Variants in FSD1 observed in about 807,000 individuals in gnomAD.
FSD1 encodes the protein fibronectin type III and SPRY domain containing 1.
FSD1 carries 23 observed loss-of-function variants against 58.2 expected under a neutral mutation model. That is an observed-to-expected ratio of 0.40 (90% CI 0.28 to 0.56). The LOEUF (loss-of-function observed/expected upper bound fraction) is 0.56. Ranked by LOEUF, FSD1 falls within the 20% of genes least tolerant of loss-of-function variation. The pLI, the probability that FSD1 is intolerant of heterozygous loss-of-function variation, is 0.54. For missense variants in FSD1, 563 were observed against 670.8 expected, an observed-to-expected ratio of 0.84 and a Z score of 1.78; for synonymous variants, 265 against 263.4, an observed-to-expected ratio of 1.01 and a Z score of -0.06.
Position 4,323,259 on chromosome 19 carries a change from C to T in FSD1, c.1291+22C>T. On this transcript the variant is annotated intron_variant, in intron 11 of 12. Coordinates refer to ENST00000221856, the MANE Select transcript of FSD1 (RefSeq NM_024333.3). This position sits in a 1 kb window ranked among gnomAD's most constrained non-coding sequence, Gnocchi z 7.7. ...CAAGGTGACCCCAAGCCCCAGCTGC[C>T]GTCTCTGGCTGCCCCTGCCTGAGTC... 4 of 1,605,776 alleles carry T rather than the reference C, an allele frequency of 2.5e-6. No individual in the cohort carries two copies. The highest frequency in any genetic ancestry group is 2.5e-6 in the Non-Finnish European group (3 of 1,178,454).
At chr19:4,311,786 C>G in intron 6 of FSD1, 56 bp from the exon 7 acceptor site, 1 of 1,552,588 alleles carries the variant, frequency 6.4e-7, no homozygotes, top group East Asian at 2.2e-5. Context: ...AGCAAGCCCC[C>G]TGCCCCCTGA....
Position 4,306,329 on chromosome 19 carries a change from G to C in FSD1, c.243G>C (p.Gln81His), listed in dbSNP as rs762615924. 6.2e-7 allele frequency: 1 copy of C among 1,613,642 alleles called. No homozygotes were observed. Among genetic ancestry groups the C allele is most frequent in the South Asian group, 1.1e-5 (1 of 91,044 alleles). The change falls in exon 3 of 13, where the codon CAG becomes CAC. Residue 81 changes from glutamine to histidine, a missense_variant and splice_region_variant. Gln to His is a conservative substitution (Grantham distance 24). Transcript: ENST00000221856. ...GTGCCAGCCGTACCTACGAGCTGCA[G>C]GTGAGGGCTGAGGGCATCTTCCTCT... ...QDRASRTYEL[Q>H]NQLAACTRAL...
chr19:4,319,372 G>A (rs986591279), intron 10 of FSD1, among the ~76,000 whole-genome samples: 3 of 152,192 alleles, frequency 2.0e-5, no homozygotes, highest in African/African-American at 7.2e-5. Flanking sequence ...AGGGTATGTG[G>A]AGGAGCCAGA....
chr19:4,313,227 C>T (rs913523620), intron 7 of FSD1, among the ~76,000 whole-genome samples: 1 of 151,764 alleles, frequency 6.6e-6, no homozygotes. Context: ...GTGGTCCCCG[C>T]TACCAAGGGA....
intron 7 of FSD1, among the ~76,000 whole-genome samples, chr19:4,312,623 G>A (rs1179518618): frequency 2.0e-5 from 3 of 151,814 alleles, no homozygotes; most frequent in Non-Finnish European, 4.4e-5. Context: ...CTAACACGGT[G>A]AAATACTGTA....
intron 7 of FSD1, 46 bp downstream of exon 7, chr19:4,312,097 T>C (rs893411968): frequency 6.8e-7 from 1 of 1,479,862 alleles, no homozygotes; most frequent in African/African-American, 1.4e-5. Context: ...AACAGCCACC[T>C]CTTCCAGCCT....
intron 7 of FSD1, among the ~76,000 whole-genome samples, chr19:4,316,149 C>T (rs910690935): frequency 6.6e-6 from 1 of 151,876 alleles, no homozygotes; most frequent in African/African-American, 2.4e-5. Flanking sequence ...CAGCTTCAAC[C>T]TCTTGGGCTC....
At position 4,310,632 on chromosome 19, in the gene FSD1, G is replaced by A. The variant is rs543657870; in HGVS notation, c.490+36G>A. The A allele has an allele frequency of 4.4e-5, 70 of 1,596,546 alleles. No homozygotes were observed. In the East Asian group the frequency reaches 9.4e-4, roughly 21 times the overall value. ...CACGCACTAGAGGGCCAGGACTTCCGGGGAATGACCTGGGAGGCTAGGAGG... is the reference window on the plus strand; with the variant it reads ...CACGCACTAGAGGGCCAGGACTTCCAGGGAATGACCTGGGAGGCTAGGAGG... On this transcript the variant is annotated intron_variant, in intron 6 of 12. Coordinates refer to ENST00000221856, the MANE Select transcript of FSD1 (RefSeq NM_024333.3).
At position 4,310,265 on chromosome 19, in the gene FSD1, C is replaced by G. The variant is rs748557430; in HGVS notation, c.346-8C>G. On this transcript the variant is annotated splice_region_variant and splice_polypyrimidine_tract_variant and intron_variant, in intron 4 of 12. Transcript: ENST00000221856. Reference sequence around the variant, plus strand: ...AATCTTTGAATGTTGTTCTGTTCCTCTCTCTAGGCTGCCAAGCAAATCAAA... The same window carrying G: ...AATCTTTGAATGTTGTTCTGTTCCTGTCTCTAGGCTGCCAAGCAAATCAAA... 1 of 1,614,164 alleles carries G rather than the reference C, an allele frequency of 6.2e-7. No homozygotes were observed. Among genetic ancestry groups the G allele is most frequent in the Admixed American group, 1.7e-5 (1 of 60,024 alleles).
intron 4 of FSD1, among the ~76,000 whole-genome samples, chr19:4,308,535 C>A (rs1971650698): frequency 6.6e-6 from 1 of 151,940 alleles, no homozygotes; most frequent in African/African-American, 2.4e-5. Context: ...CCAACATGGG[C>A]AACATAGTGA....
chr19:4,314,809 T>C (rs1470896080), intron 7 of FSD1, among the ~76,000 whole-genome samples: 1 of 152,192 alleles, frequency 6.6e-6, no homozygotes, highest in Non-Finnish European at 1.5e-5. Flanking sequence ...TTACACGCGC[T>C]CATTCGGGTG....
chr19:4,313,366 GAAAA>G (rs77272729), intron 7 of FSD1, among the ~76,000 whole-genome samples: 1 of 138,784 alleles, frequency 7.2e-6, no homozygotes, highest in Non-Finnish European at 1.6e-5. Flanking sequence ...GAAAAATAAA[GAAAA>G]AAAAAAACAA....
Position 4,305,985 on chromosome 19 carries a change from A to C in FSD1, c.55A>C (p.Asn19His), listed in dbSNP as rs1208034684. The C allele has an allele frequency of 3.7e-6, 6 of 1,613,980 alleles. No homozygotes were observed. Among genetic ancestry groups the C allele is most frequent in the Non-Finnish European group, 5.1e-6 (6 of 1,180,024 alleles). ...RKIIKTLAVK[N>H]EEIQSFIYSL... Reference sequence around the variant, plus strand: ...GATCATCAAAACACTGGCTGTGAAGAATGAAGAAATTCAGAGCTTTATCTA... The same window carrying C: ...GATCATCAAAACACTGGCTGTGAAGCATGAAGAAATTCAGAGCTTTATCTA... Residue 19 changes from asparagine (N) to histidine (H), a missense_variant, in exon 2 of 13, where the codon AAT (asparagine) becomes CAT (histidine). Transcript: ENST00000221856.
intron 7 of FSD1, among the ~76,000 whole-genome samples, chr19:4,312,807 A>AAAAAAAAT (rs1555730876): frequency 7.4e-4 from 110 of 148,814 alleles, no homozygotes; most frequent in African/African-American, 2.7e-3. Context: ...TCCGTCTCAA[A>AAAAAAAAT]AAATAAATAA....
chr19:4,311,020 G>A (rs900314537), intron 6 of FSD1: 3 of 163,740 alleles, frequency 1.8e-5, no homozygotes, highest in South Asian at 3.1e-4. Flanking sequence ...TCCCGCCCAT[G>A]GGTGGAGCCA....
At chr19:4,319,238 GGGGAGTAGCTGGGATTTA>G (rs1444183423) in intron 10 of FSD1, among the ~76,000 whole-genome samples, 6 of 152,350 alleles carry the variant, frequency 3.9e-5, no homozygotes, top group Admixed American at 2.0e-4. Context: ...TCTGGCACTT[GGGGAGTAGCTGGGATTTA>G]GGGAGTAGCT....
intron 10 of FSD1, among the ~76,000 whole-genome samples, chr19:4,320,390 C>T (rs1210039182): frequency 5.9e-5 from 9 of 151,880 alleles, no homozygotes; most frequent in African/African-American, 2.2e-4. Context: ...CATCTGGACT[C>T]GAGGAGGACT....
chr19:4,305,791 T>C (rs1000621976), intron 1 of FSD1, among the ~76,000 whole-genome samples, 155 bp from the exon 2 acceptor site: 20 of 152,146 alleles, frequency 1.3e-4, no homozygotes, highest in African/African-American at 4.8e-4. Flanking sequence ...GCCGTGTGTG[T>C]GTGCGCATGT....
rs757692634 is a variant in FSD1, at chr19:4,310,613, C to G, written c.490+17C>G. 1.8e-5 allele frequency: 29 copies of G among 1,608,834 alleles called. No individual in the cohort carries two copies. The highest frequency in any genetic ancestry group is 2.4e-5 in the Non-Finnish European group (28 of 1,178,566). On this transcript the variant is annotated intron_variant, in intron 6 of 12. Transcript: ENST00000221856. Reference sequence around the variant, plus strand: ...TCCTGCCTGGTGAGAGGGGCACGCACTAGAGGGCCAGGACTTCCGGGGAAT... The same window carrying G: ...TCCTGCCTGGTGAGAGGGGCACGCAGTAGAGGGCCAGGACTTCCGGGGAAT...
Sources: allele counts gnomAD v4.1 joint callset (sites outside exome capture counted in the v4.1 genomes callset), GRCh38; gene constraint gnomAD v4.1.1; non-coding constraint Gnocchi (gnomAD v3.1); transcripts MANE v1.5; gene names NCBI Gene and HGNC (gene_info 2026-07-23, HGNC 2026-07-21).